ZNF140: variants seen among roughly 807,000 people sequenced by gnomAD.
ZNF140 encodes the protein zinc finger protein 140 (clone pHZ-39).
ZNF140 carries 13 observed loss-of-function variants against 12.9 expected under a neutral mutation model. The ratio of observed to expected loss-of-function variants is 1.01; its 90% CI spans 0.66 to 1.60. The LOEUF (loss-of-function observed/expected upper bound fraction) is 1.60. Ranked by LOEUF, ZNF140 falls within the 40% of genes most tolerant of loss-of-function variation. The probability of loss-of-function intolerance (pLI) is 0.00; values close to 1 mark genes in which losing one functional copy is unlikely to be tolerated. For missense variants in ZNF140, 531 were observed against 548.8 expected (o/e 0.97, Z 0.32); for synonymous variants, 214 against 186.7 (o/e 1.15, Z -1.19).
intron 4 of ZNF140, among the ~76,000 whole-genome samples, chr12:133,104,573 G>C (rs1030137000): frequency 3.1e-4 from 47 of 151,930 alleles, no homozygotes; most frequent in Admixed American, 2.5e-3. Flanking sequence ...GGCTGGTCTC[G>C]ATCTCCTGAC....
At chr12:133,089,087 G>C (rs963512365) in intron 4 of ZNF140, among the ~76,000 whole-genome samples, 12 of 152,136 alleles carry the variant, frequency 7.9e-5, no homozygotes, top group Non-Finnish European at 1.6e-4. Flanking sequence ...GAGTGGGGAA[G>C]TTTTCCCTCC....
intron 4 of ZNF140, among the ~76,000 whole-genome samples, chr12:133,091,867 C>T (rs983522748): frequency 2.1e-4 from 31 of 151,048 alleles, no homozygotes; most frequent in African/African-American, 6.9e-4. Flanking sequence ...TCCTTGTAGA[C>T]GGCGTTTAAC....
intron 4 of ZNF140, among the ~76,000 whole-genome samples, chr12:133,090,940 C>G (rs888612701): frequency 1.5e-4 from 22 of 145,700 alleles, no homozygotes; most frequent in Non-Finnish European, 2.7e-4. Flanking sequence ...AAACATATCT[C>G]GCCTCCCACC....
rs1373272933 is a variant in ZNF140, at chr12:133,080,972, GC to G, written c.-147del. The G allele has an allele frequency of 6.2e-6, 1 of 161,098 alleles. No individual in the cohort carries two copies. Among genetic ancestry groups the G allele is most frequent in the African/African-American group, 2.4e-5 (1 of 41,688 alleles). The allele number at this position is 161,098 out of a possible 1,614,324, so 10.0% of individuals were successfully genotyped here. A position where few individuals can be genotyped will look rare whatever the true frequency, so the allele number is the denominator to read the frequency against. On this transcript the variant is annotated 5_prime_UTR_variant, in exon 1 of 5. Transcript: ENST00000355557. ...AACGAAAGGAGCCCTCCCGGTCTGC[GC>G]CGGATGGCCCCGGGCGGTGACTCGG...
chr12:133,097,215 T>C (rs1303921269), intron 4 of ZNF140, among the ~76,000 whole-genome samples: 1 of 152,262 alleles, frequency 6.6e-6, no homozygotes, highest in Non-Finnish European at 1.5e-5. Flanking sequence ...TACTCACTTA[T>C]TCTAAATCTA....
chr12:133,086,686 T>C (rs1413409701), intron 4 of ZNF140, among the ~76,000 whole-genome samples: 1 of 152,192 alleles, frequency 6.6e-6, no homozygotes, highest in African/African-American at 2.4e-5. Flanking sequence ...TGTTTAGTAT[T>C]TTTTTAGCCT....
At chr12:133,098,118 GC>G (rs796265698) in intron 4 of ZNF140, among the ~76,000 whole-genome samples, 27 of 152,162 alleles carry the variant, frequency 1.8e-4, no homozygotes, top group African/African-American at 6.0e-4. Flanking sequence ...ACAGGCGTGA[GC>G]CTACGCACCC....
At chr12:133,086,307 C>G (rs1289929573) in intron 4 of ZNF140, among the ~76,000 whole-genome samples, 1 of 152,174 alleles carries the variant, frequency 6.6e-6, no homozygotes, top group Admixed American at 6.5e-5. Flanking sequence ...CTGACTTATA[C>G]TCCCGCAAAC....
At position 133,085,156 on chromosome 12, in the gene ZNF140, C is replaced by G. The variant is rs953692648; in HGVS notation, c.232+1595C>G. ...TCTGCTGCTTCAGCCCCCTGAGTAA[C>G]TGGGACTACAGGCACCTGCCACCAT... is the stretch of plus-strand genomic sequence containing the variant. On this transcript the variant is annotated intron_variant, in intron 4 of 4. Coordinates refer to ENST00000355557, the MANE Select transcript of ZNF140 (RefSeq NM_003440.4). Among the ~76,000 whole-genome samples, 408 of 152,188 alleles carry G rather than the reference C, an allele frequency of 2.7e-3. 1 individual carries two copies. The highest frequency in any genetic ancestry group is 9.5e-3 in the African/African-American group (394 of 41,524).
intron 4 of ZNF140, chr12:133,093,434 T>TG: frequency 1.4e-6 from 1 of 699,776 alleles, no homozygotes. Flanking sequence ...CAGCTAACTG[T>TG]GTCAGCTTCT....
intron 4 of ZNF140, among the ~76,000 whole-genome samples, chr12:133,097,163 G>A (rs896648361): frequency 3.9e-5 from 6 of 152,088 alleles, no homozygotes; most frequent in South Asian, 4.2e-4. Context: ...ATTTAGCTAC[G>A]TCTCTTTCTT....
chr12:133,083,659 C>G (rs1444960539), intron 4 of ZNF140, 98 bp downstream of exon 4: 15 of 1,180,794 alleles, frequency 1.3e-5, no homozygotes, highest in Non-Finnish European at 1.2e-5. Context: ...AAAATTTTCC[C>G]TTAAAGATAC....
Position 133,105,609 on chromosome 12 carries a change from G to T in ZNF140, c.332G>T (p.Gly111Val). Reference sequence around the variant, plus strand: ...ATCATGGAAAGAATTCTAAGTCAAGGCCCTGTGTATTCCAGTTTTAAAGGA... The same window carrying T: ...ATCATGGAAAGAATTCTAAGTCAAGTCCCTGTGTATTCCAGTTTTAAAGGA... The part of the protein sequence containing the change: ...YLIMERILSQ[G>V]PVYSSFKGGW... Residue 111 changes from glycine to valine, a missense_variant, in exon 5 of 5, where the codon GGC (glycine) becomes GTC (valine). Gly to Val is a moderately radical substitution (Grantham distance 109, BLOSUM62 -3). Transcript: ENST00000355557. The T allele has an allele frequency of 6.2e-7, 1 of 1,614,110 alleles. No homozygotes were observed. The highest frequency in any genetic ancestry group is 1.6e-4 in the Middle Eastern group (1 of 6,062).
intron 4 of ZNF140, among the ~76,000 whole-genome samples, chr12:133,101,230 T>C (rs1955334214): frequency 6.6e-6 from 1 of 152,218 alleles, no homozygotes; most frequent in Non-Finnish European, 1.5e-5. Context: ...GGGGAAATTC[T>C]CCGTCATTAT....
At chr12:133,097,459 T>C (rs1955169289) in intron 4 of ZNF140, among the ~76,000 whole-genome samples, 1 of 151,956 alleles carries the variant, frequency 6.6e-6, no homozygotes, top group Non-Finnish European at 1.5e-5. Context: ...CTGGCTAACA[T>C]GATGAAACCT....
Position 133,106,656 on chromosome 12 carries a change from A to G in ZNF140, c.*5A>G, listed in dbSNP as rs769735459. On this transcript the variant is annotated 3_prime_UTR_variant, in exon 5 of 5. Coordinates refer to ENST00000355557, the MANE Select transcript of ZNF140 (RefSeq NM_003440.4). ...TTCCTTACTGAACACCAGTGAATTT[A>G]CACTGCAAAGAAAAACTATGAATGT... 9.0e-6 allele frequency: 14 copies of G among 1,558,854 alleles called. No individual in the cohort carries two copies. The highest frequency in any genetic ancestry group is 1.4e-5 in the African/African-American group (1 of 72,684).
rs898714796 is a variant in ZNF140, at chr12:133,106,805, A to C, written c.*154A>C. ...CTTTATTCACCACCCTGGAGAAAAA[A>C]AAACCCAGGAATATGTGGAAAAGCC... On this transcript the variant is annotated 3_prime_UTR_variant, in exon 5 of 5. Transcript: ENST00000355557. 5 of 603,098 alleles carry C rather than the reference A, an allele frequency of 8.3e-6. No individual in the cohort carries two copies. Among genetic ancestry groups the C allele is most frequent in the Non-Finnish European group, 1.3e-5 (5 of 387,632 alleles). 37.4% of individuals were successfully genotyped at this position (603,098 alleles called of 1,614,324 possible).
chr12:133,097,591 C>T (rs1242905856), intron 4 of ZNF140, among the ~76,000 whole-genome samples: 17 of 149,922 alleles, frequency 1.1e-4, no homozygotes, highest in African/African-American at 3.7e-4. Flanking sequence ...TGCAGTGAGC[C>T]GAGATCACAC....
chr12:133,095,644 GT>G (rs952260620), intron 4 of ZNF140, among the ~76,000 whole-genome samples: 11 of 149,696 alleles, frequency 7.3e-5, no homozygotes, highest in African/African-American at 2.5e-4. Context: ...AGTTCCCTCA[GT>G]TTTTATTATT....
Sources: gnomAD v4.1 joint callset for allele counts (sites outside exome capture counted in the v4.1 genomes callset) on GRCh38, gnomAD v4.1.1 for gene constraint, MANE v1.5 for transcripts, NCBI Gene and HGNC (gene_info 2026-07-23, HGNC 2026-07-21) for gene names.